ARHGAP10: variants seen among roughly 807,000 people sequenced by gnomAD.
ARHGAP10 encodes rho GTPase-activating protein 10.
ARHGAP10 carries 87 observed loss-of-function variants against 108.6 expected under a neutral mutation model. The ratio of observed to expected loss-of-function variants is 0.80; its 90% CI spans 0.67 to 0.96. ARHGAP10 has a LOEUF of 0.96. ARHGAP10 is among the 40% of genes least tolerant of loss of function. The pLI, the probability that ARHGAP10 is intolerant of heterozygous loss-of-function variation, is 0.00. For missense variants in ARHGAP10, 939 were observed against 954.5 expected, an observed-to-expected ratio of 0.98 and a Z score of 0.21; for synonymous variants, 347 against 341.1, an observed-to-expected ratio of 1.02 and a Z score of -0.19.
At position 147,822,122 on chromosome 4, in the gene ARHGAP10, A is replaced by T. The variant is rs185956381; in HGVS notation, c.155-605A>T. Among the ~76,000 whole-genome samples, 454 of 152,398 alleles carry T rather than the reference A, an allele frequency of 3.0e-3. 1 individual carries two copies. The highest frequency in any genetic ancestry group is 0.01 in the African/African-American group (423 of 41,596). On this transcript the variant is annotated intron_variant, in intron 1 of 22. Transcript: ENST00000336498. ...TTTCCACTATTAATCTCCAATTAAG[A>T]TGAGGACCTCTGTAGGTCTTTTGCA...
In ARHGAP10 at chr4:147,759,997, G is replaced by A. The variant is rs533112007; in HGVS notation, c.154+27542G>A. ...ACTCCTGACCTCAGGTGATCCACCC[G>A]CCTCAGCCTCCCAAAGTGCTGGAAT... On this transcript the variant is annotated intron_variant, in intron 1 of 22. Transcript: ENST00000336498. Among the ~76,000 whole-genome samples, 132 of 152,188 alleles carry A rather than the reference G, an allele frequency of 8.7e-4. 5 individuals are homozygous for A. The South Asian group carries it at 0.027, about 31-fold the overall frequency.
At chr4:147,787,439 G>A (rs1730931378) in intron 1 of ARHGAP10, among the ~76,000 whole-genome samples, 1 of 84,938 alleles carries the variant, frequency 1.2e-5, no homozygotes, top group South Asian at 4.9e-4. Context: ...TTGGCTGAGT[G>A]GAGTGATGGA....
At chr4:147,981,896 C>G (rs1050380572) in intron 18 of ARHGAP10, among the ~76,000 whole-genome samples, 1 of 152,012 alleles carries the variant, frequency 6.6e-6, no homozygotes, top group South Asian at 2.1e-4. Flanking sequence ...TGCTCTTTTT[C>G]GATTCCATTT....
At chr4:147,830,025 G>A (rs1732884201) in intron 3 of ARHGAP10, among the ~76,000 whole-genome samples, 1 of 152,306 alleles carries the variant, frequency 6.6e-6, no homozygotes, top group Admixed American at 6.5e-5. Context: ...TCATCCTGGG[G>A]GTGCTGGGGG....
chr4:147,755,727 T>C (rs771517439), intron 1 of ARHGAP10, among the ~76,000 whole-genome samples: 1 of 152,194 alleles, frequency 6.6e-6, no homozygotes, highest in African/African-American at 2.4e-5. Flanking sequence ...GTGTAGGTGA[T>C]ATTTTTCTAT....
intron 18 of ARHGAP10, chr4:148,022,951 G>A (rs1166887964): frequency 5.3e-6 from 1 of 187,846 alleles, no homozygotes; most frequent in African/African-American, 2.3e-5. Flanking sequence ...TGCCTCCTTT[G>A]GAGATGAAGG....
chr4:147,774,322 G>A (rs553790998), intron 1 of ARHGAP10, among the ~76,000 whole-genome samples: 1 of 152,326 alleles, frequency 6.6e-6, no homozygotes, highest in African/African-American at 2.4e-5. Flanking sequence ...GGCTAGGCAA[G>A]CATGAACTCT....
chr4:148,044,655 A>T (rs1028304702), intron 19 of ARHGAP10, among the ~76,000 whole-genome samples: 1 of 152,168 alleles, frequency 6.6e-6, no homozygotes, highest in African/African-American at 2.4e-5. Context: ...GTCATTGCTC[A>T]TGATGAATGA....
intron 18 of ARHGAP10, among the ~76,000 whole-genome samples, chr4:147,976,222 A>G (rs528436316): frequency 3.9e-4 from 60 of 152,342 alleles, no homozygotes; most frequent in African/African-American, 1.3e-3. Context: ...ATTTAATGGG[A>G]AAAAGAAATC....
intron 22 of ARHGAP10, 111 bp from the exon 23 acceptor site, chr4:148,071,882 A>G (rs1730198193): frequency 1.2e-6 from 1 of 808,470 alleles, no homozygotes; most frequent in African/African-American, 1.7e-5. Context: ...AACATCCCAG[A>G]AGTGGCCCCT....
intron 18 of ARHGAP10, among the ~76,000 whole-genome samples, chr4:148,011,417 C>T (rs1219699095): frequency 6.6e-6 from 1 of 152,206 alleles, no homozygotes; most frequent in Admixed American, 6.5e-5. Flanking sequence ...TGGGCTGACT[C>T]ACAGGCTGGG....
At chr4:147,806,700 G>A (rs920510776) in intron 1 of ARHGAP10, among the ~76,000 whole-genome samples, 2 of 152,086 alleles carry the variant, frequency 1.3e-5, no homozygotes, top group African/African-American at 2.4e-5. Context: ...CCCTTCAGGC[G>A]CCAGCATATT....
At chr4:147,839,028 G>T (rs905271333) in intron 3 of ARHGAP10, among the ~76,000 whole-genome samples, 1 of 152,024 alleles carries the variant, frequency 6.6e-6, no homozygotes, top group South Asian at 2.1e-4. Context: ...CTTACACGAG[G>T]CAAGTTCTTT....
intron 19 of ARHGAP10, among the ~76,000 whole-genome samples, chr4:148,031,047 A>G (rs1728128225): frequency 1.3e-5 from 2 of 152,138 alleles, no homozygotes; most frequent in Non-Finnish European, 2.9e-5. Flanking sequence ...TGACAGATCA[A>G]GACCCCATCT....
chr4:147,851,405 G>GTC (rs1733872472), intron 4 of ARHGAP10, among the ~76,000 whole-genome samples: 1 of 152,074 alleles, frequency 6.6e-6, no homozygotes, highest in African/African-American at 2.4e-5. Context: ...TGTAGAGACG[G>GTC]TCTCTCTGTG....
intron 15 of ARHGAP10, 151 bp from the exon 16 acceptor site, chr4:147,955,165 T>G (rs777095704): frequency 2.4e-5 from 17 of 713,130 alleles, no homozygotes; most frequent in Middle Eastern, 3.2e-4. Flanking sequence ...GATCCGTTTA[T>G]GTATCTTTTT....
At chr4:147,946,387 A>G (rs1738379944) in intron 14 of ARHGAP10, 2 of 427,600 alleles carry the variant, frequency 4.7e-6, no homozygotes, top group Non-Finnish European at 8.2e-6. Flanking sequence ...CTCCCAACCC[A>G]TCTCTTATTT....
At chr4:147,915,836 G>T (rs896619294) in intron 13 of ARHGAP10, among the ~76,000 whole-genome samples, 1 of 152,128 alleles carries the variant, frequency 6.6e-6, no homozygotes, top group African/African-American at 2.4e-5. Context: ...GGGGGCACTG[G>T]CTCACACCTA....
chr4:147,793,138 G>GA lies in ARHGAP10; in HGVS notation c.155-29582dup, dbSNP rs57062177. On this transcript the variant is annotated intron_variant, in intron 1 of 22. Transcript: ENST00000336498. ...CTGGGCGACAGAGTGAGACTCTCTG[G>GA]AAAAAAAGAAAATGTGTGTGTATGT... Among the ~76,000 whole-genome samples the GA allele has an allele frequency of 8.5e-3, 1,288 of 151,582 alleles. 19 individuals carry two copies. The highest frequency in any genetic ancestry group is 0.03 in the African/African-American group (1,228 of 41,318).
Sources: allele counts gnomAD v4.1 joint callset (sites outside exome capture counted in the v4.1 genomes callset), GRCh38; gene constraint gnomAD v4.1.1; transcripts MANE v1.5; gene names NCBI Gene and HGNC (gene_info 2026-07-23, HGNC 2026-07-21).